Variants in SZRD1 observed in about 807,000 individuals in gnomAD.
SZRD1 encodes the protein SUZ RNA-binding domain-containing.
Under a neutral mutation model 17.6 loss-of-function variants are expected in SZRD1, and 7 were observed. That is an observed-to-expected ratio of 0.40 (90% CI 0.23 to 0.75). SZRD1 has a LOEUF of 0.75. Ranked by LOEUF, SZRD1 falls within the 30% of genes least tolerant of loss-of-function variation. The probability of loss-of-function intolerance (pLI) is 0.38; values close to 1 mark genes in which losing one functional copy is unlikely to be tolerated. For synonymous variants in SZRD1, 77 were observed against 77.9 expected (o/e 0.99, Z 0.06); for missense variants, 178 against 201.8 (o/e 0.88, Z 0.71).
At chr1:16,381,085 TAA>T (rs139686580) in intron 1 of SZRD1, among the ~76,000 whole-genome samples, 29 of 123,084 alleles carry the variant, frequency 2.4e-4, no homozygotes, top group Non-Finnish European at 2.8e-4. Context: ...CCTGGCTCGT[TAA>T]AAAAAAAAAA....
At chr1:16,387,972 T>G (rs2085154908) in intron 1 of SZRD1, among the ~76,000 whole-genome samples, 1 of 152,232 alleles carries the variant, frequency 6.6e-6, no homozygotes. Flanking sequence ...GGTCGTTCTC[T>G]TATTATTGGT....
chr1:16,388,678 CTTTTTTTTTTTT>C (rs950662267), intron 1 of SZRD1, among the ~76,000 whole-genome samples: 9 of 92,164 alleles, frequency 9.8e-5, no homozygotes, highest in East Asian at 3.1e-4. Context: ...AAGAATAAGT[CTTTTTTTTTTTT>C]TTTTTTTTTT....
At chr1:16,381,805 G>A (rs11260739) in intron 1 of SZRD1, among the ~76,000 whole-genome samples, 76 of 151,154 alleles carry the variant, frequency 5.0e-4, no homozygotes, top group Admixed American at 9.9e-4. Flanking sequence ...GGTGGCAGGC[G>A]CCTGTAATCC....
intron 1 of SZRD1, among the ~76,000 whole-genome samples, chr1:16,373,453 CT>C (rs1175263816): frequency 7.4e-6 from 1 of 134,360 alleles, no homozygotes; most frequent in African/African-American, 2.5e-5. Context: ...GTGGTGCCTG[CT>C]TGTAATCCCA....
rs190545707 is a variant in SZRD1, at chr1:16,372,801, G to A, written c.51+5493G>A. 1.3e-4 allele frequency among the ~76,000 whole-genome samples: 20 copies of A among 152,280 alleles called. 1 individual carries two copies. The highest frequency in any genetic ancestry group is 4.1e-4 in the African/African-American group (17 of 41,560). ...ATGGTGTATGAGTCCATAGGAAGGT[G>A]TCATTAAACATTAAATAACTATTGC... is the stretch of plus-strand genomic sequence containing the variant. On this transcript the variant is annotated intron_variant, in intron 1 of 3. Coordinates refer to ENST00000401088, the MANE Select transcript of SZRD1 (RefSeq NM_001114600.3).
chr1:16,394,639 G>A (rs886362618), intron 3 of SZRD1, among the ~76,000 whole-genome samples: 3 of 152,312 alleles, frequency 2.0e-5, no homozygotes, highest in South Asian at 2.1e-4. Context: ...CCAGAGTGAC[G>A]TGGGCCCAGC....
At chr1:16,387,122 T>C (rs1007714627) in intron 1 of SZRD1, 1 of 355,556 alleles carries the variant, frequency 2.8e-6, no homozygotes, top group Admixed American at 3.9e-5. Context: ...TATATCGATA[T>C]AAGGTATTAT....
At chr1:16,369,760 A>G (rs2082879677) in intron 1 of SZRD1, among the ~76,000 whole-genome samples, 1 of 151,992 alleles carries the variant, frequency 6.6e-6, no homozygotes, top group Non-Finnish European at 1.5e-5. Context: ...CCTATGGTAC[A>G]TACCTGTAAT....
In SZRD1 at chr1:16,393,933, G is replaced by A. The variant is rs1161317934; in HGVS notation, c.356+451G>A. On this transcript the variant is annotated intron_variant, in intron 3 of 3. Coordinates refer to ENST00000401088, the MANE Select transcript of SZRD1 (RefSeq NM_001114600.3). The surrounding 1 kb of genome is among the most constrained non-coding windows in gnomAD (Gnocchi z 5.6). The stretch of plus-strand genomic sequence containing the variant: ...CATAGGATGTGGAGAGCCTGGGCTG[G>A]CAGAGTGGAAAGTACCCCAGATAAG... Among the ~76,000 whole-genome samples, 1 of 152,190 alleles carries A rather than the reference G, an allele frequency of 6.6e-6. No homozygotes were observed. Among genetic ancestry groups the A allele is most frequent in the Non-Finnish European group, 1.5e-5 (1 of 68,036 alleles).
intron 1 of SZRD1, among the ~76,000 whole-genome samples, chr1:16,375,599 C>T (rs1180168221): frequency 6.6e-6 from 1 of 152,174 alleles, no homozygotes; most frequent in African/African-American, 2.4e-5. Context: ...AGGCGTGAGC[C>T]ACCGCGCCCG....
chr1:16,369,580 T>C, intron 1 of SZRD1: 1 of 659,378 alleles, frequency 1.5e-6, no homozygotes, highest in Non-Finnish European at 2.7e-6. Flanking sequence ...TCCCTTACTT[T>C]AGTAATATCC....
intron 1 of SZRD1, chr1:16,369,454 G>T: frequency 1.9e-6 from 2 of 1,049,966 alleles, no homozygotes; most frequent in Non-Finnish European, 2.9e-6. Context: ...TACGGGGTGA[G>T]TGCATTCAAG....
chr1:16,382,714 T>TA (rs1256767051), intron 1 of SZRD1, among the ~76,000 whole-genome samples: 4 of 150,802 alleles, frequency 2.7e-5, no homozygotes, highest in African/African-American at 9.8e-5. Context: ...ATGCTGGTCT[T>TA]AAACTCCTGA....
At chr1:16,387,523 C>T (rs949360457) in intron 1 of SZRD1, 7 of 456,606 alleles carry the variant, frequency 1.5e-5, no homozygotes, top group African/African-American at 6.0e-5. Flanking sequence ...TCTGCCAAAG[C>T]TTGTTGGCCG....
chr1:16,376,131 C>G (rs2100704665), intron 1 of SZRD1, among the ~76,000 whole-genome samples: 1 of 152,248 alleles, frequency 6.6e-6, no homozygotes, highest in East Asian at 1.9e-4. Flanking sequence ...TATTCCTGGT[C>G]CGGGGAGGAA....
At chr1:16,372,450 G>A (rs1012308545) in intron 1 of SZRD1, among the ~76,000 whole-genome samples, 3 of 152,124 alleles carry the variant, frequency 2.0e-5, no homozygotes, top group African/African-American at 7.2e-5. Flanking sequence ...TCCAGCCTGG[G>A]TGACAGAGTG....
chr1:16,382,226 C>T (rs146593197), intron 1 of SZRD1, among the ~76,000 whole-genome samples: 4,070 of 151,584 alleles, frequency 0.027, 184 homozygotes, highest in African/African-American at 0.091. Flanking sequence ...TCTTGTCTGT[C>T]GCCCAGGCTG....
intron 1 of SZRD1, among the ~76,000 whole-genome samples, chr1:16,381,110 C>T (rs2083093198): frequency 6.7e-6 from 1 of 150,094 alleles, no homozygotes; most frequent in Non-Finnish European, 1.5e-5. Flanking sequence ...AAAAACTAGC[C>T]AGGTGTGGTG....
intron 3 of SZRD1, among the ~76,000 whole-genome samples, chr1:16,394,792 T>C (rs1195978716): frequency 6.6e-6 from 1 of 152,044 alleles, no homozygotes; most frequent in Non-Finnish European, 1.5e-5. Context: ...CCATCTCTAC[T>C]AAAATTACAA....
Sources: gnomAD v4.1 joint callset for allele counts (sites outside exome capture counted in the v4.1 genomes callset) on GRCh38, gnomAD v4.1.1 for gene constraint, Gnocchi (gnomAD v3.1) non-coding constraint, MANE v1.5 for transcripts, NCBI Gene and HGNC (gene_info 2026-07-23, HGNC 2026-07-21) for gene names.